EDA: variants seen among roughly 807,000 people sequenced by gnomAD.
EDA encodes the protein ectodysplasin-A.
EDA carries 2 observed loss-of-function variants against 23.6 expected under a neutral mutation model. That is an observed-to-expected ratio of 0.08 (90% CI 0.03 to 0.27). The LOEUF (loss-of-function observed/expected upper bound fraction) is 0.27. Among genes scored for constraint, EDA ranks in the 10% least tolerant of loss-of-function variants. The pLI, the probability that EDA is intolerant of heterozygous loss-of-function variation, is 1.00. For missense variants in EDA, 229 were observed against 324.2 expected, an observed-to-expected ratio of 0.71 and a Z score of 2.26; for synonymous variants, 131 against 132.0, an observed-to-expected ratio of 0.99 and a Z score of 0.05.
chrX:69,889,623 T>G (rs752156631), intron 1 of EDA, among the ~76,000 whole-genome samples: 1 of 112,265 alleles, frequency 8.9e-6, no homozygotes, highest in South Asian at 3.7e-4. Flanking sequence ...TAGCCAATTT[T>G]TAATTGTTTT....
intron 1 of EDA, among the ~76,000 whole-genome samples, chrX:69,941,147 T>C (rs953528297): frequency 3.6e-5 from 4 of 112,169 alleles, no homozygotes; most frequent in Non-Finnish European, 7.5e-5. Flanking sequence ...TGATATTATT[T>C]CAAGTTTTTG....
chrX:69,671,217 G>A (rs747195213), intron 1 of EDA, among the ~76,000 whole-genome samples: 9 of 111,911 alleles, frequency 8.0e-5, no homozygotes, highest in African/African-American at 2.3e-4. Context: ...AGAAGCCTCA[G>A]TAGTCTAGGC....
intron 1 of EDA, among the ~76,000 whole-genome samples, chrX:69,720,434 T>C (rs2012537654): frequency 8.9e-6 from 1 of 112,197 alleles, no homozygotes; most frequent in Admixed American, 9.4e-5. Context: ...TTTCAACCAT[T>C]ATTTTTTTGA....
intron 1 of EDA, among the ~76,000 whole-genome samples, chrX:69,665,478 T>C (rs1412009940): frequency 8.9e-6 from 1 of 111,855 alleles, no homozygotes; most frequent in Non-Finnish European, 1.9e-5. Context: ...CATTTGAATT[T>C]ATTATGGTAT....
chrX:70,004,859 C>T (rs1036103508), intron 2 of EDA, among the ~76,000 whole-genome samples: 5 of 111,980 alleles, frequency 4.5e-5, no homozygotes, highest in Admixed American at 1.9e-4. Flanking sequence ...GAGAGGCCAA[C>T]GAAGGAGGAT....
chrX:69,676,077 A>C (rs1355651208), intron 1 of EDA, among the ~76,000 whole-genome samples: 3 of 111,267 alleles, frequency 2.7e-5, no homozygotes, highest in Non-Finnish European at 5.6e-5. Flanking sequence ...TAAAAGGAAG[A>C]GTAATAGAGG....
At chrX:69,918,231 A>G (rs2018374734) in intron 1 of EDA, among the ~76,000 whole-genome samples, 1 of 99,626 alleles carries the variant, frequency 1.0e-5, no homozygotes, top group African/African-American at 3.9e-5. Flanking sequence ...ATCTCAGCTC[A>G]CTACAACCTC....
chrX:69,715,926 G>A (rs1602328401), intron 1 of EDA, among the ~76,000 whole-genome samples: 1 of 111,135 alleles, frequency 9.0e-6, no homozygotes, highest in Non-Finnish European at 1.9e-5. Flanking sequence ...TTTTTAATGG[G>A]TTTGTTTTCT....
chrX:69,657,364 G>T (rs765105532), intron 1 of EDA, among the ~76,000 whole-genome samples: 1 of 111,649 alleles, frequency 9.0e-6, no homozygotes, highest in Non-Finnish European at 1.9e-5. Flanking sequence ...ATTCCTTATG[G>T]ATTCTAGATA....
Position 69,654,014 on chromosome X carries a change from A to G in EDA, c.396+37310A>G, listed in dbSNP as rs748107798. ...AAACTACCATCAGAGTGAACAGGCAACCTACAGAATGGGAGAAAATTTTTG... is the reference window on the plus strand; with the variant it reads ...AAACTACCATCAGAGTGAACAGGCAGCCTACAGAATGGGAGAAAATTTTTG... On this transcript the variant is annotated intron_variant, in intron 1 of 7. Coordinates refer to ENST00000374552, the MANE Select transcript of EDA (RefSeq NM_001399.5). 2.7e-5 allele frequency among the ~76,000 whole-genome samples: 3 copies of G among 111,658 alleles called. No homozygotes were observed. In the Admixed American group the frequency reaches 2.8e-4, roughly 11 times the overall value.
At chrX:69,827,415 C>A (rs1210270498) in intron 1 of EDA, among the ~76,000 whole-genome samples, 2 of 111,420 alleles carry the variant, frequency 1.8e-5, no homozygotes, top group Non-Finnish European at 3.8e-5. Context: ...ATTCTTTTTT[C>A]TCTAAACTTC....
At chrX:69,688,069 A>C (rs2147293639) in intron 1 of EDA, among the ~76,000 whole-genome samples, 1 of 111,592 alleles carries the variant, frequency 9.0e-6, no homozygotes, top group Admixed American at 9.6e-5. Context: ...TCACAGACTT[A>C]TCAAGGGATT....
At chrX:69,637,600 T>A (rs914242859) in intron 1 of EDA, among the ~76,000 whole-genome samples, 2 of 111,402 alleles carry the variant, frequency 1.8e-5, no homozygotes, top group African/African-American at 6.5e-5. Flanking sequence ...GTTAGATACA[T>A]GGACTTCATA....
chrX:69,994,136 T>A (rs1477345337), intron 2 of EDA, among the ~76,000 whole-genome samples: 44 of 111,549 alleles, frequency 3.9e-4, no homozygotes, highest in African/African-American at 1.4e-3. Context: ...ATGAAGAAGT[T>A]GTAGTAAGTG....
At chrX:69,931,545 G>A (rs2018598918) in intron 1 of EDA, among the ~76,000 whole-genome samples, 1 of 110,972 alleles carries the variant, frequency 9.0e-6, no homozygotes, top group Non-Finnish European at 1.9e-5. Flanking sequence ...TTAAATGGGT[G>A]AAGTATTTGA....
At chrX:69,748,940 AT>A (rs796664973) in intron 1 of EDA, among the ~76,000 whole-genome samples, 111 of 109,853 alleles carry the variant, frequency 1.0e-3, no homozygotes, top group African/African-American at 3.4e-3. Flanking sequence ...ATACAGGGTC[AT>A]TTTTTTTTAA....
intron 1 of EDA, among the ~76,000 whole-genome samples, chrX:69,714,517 G>A (rs888379639): frequency 1.8e-5 from 2 of 111,009 alleles, no homozygotes; most frequent in African/African-American, 6.5e-5. Context: ...TTTTAAAAAA[G>A]GTTTTATAAT....
intron 1 of EDA, among the ~76,000 whole-genome samples, chrX:69,918,730 C>A (rs1048381486): frequency 9.0e-6 from 1 of 111,414 alleles, no homozygotes; most frequent in African/African-American, 3.3e-5. Flanking sequence ...GAAAAAAAAT[C>A]TCTGGGAAAA....
At chrX:69,863,466 A>G (rs770132612) in intron 1 of EDA, among the ~76,000 whole-genome samples, 2 of 105,331 alleles carry the variant, frequency 1.9e-5, no homozygotes, top group Admixed American at 2.1e-4. Flanking sequence ...AAAAAAATAG[A>G]CAATAAAGCA....
Sources: gnomAD v4.1 joint callset for allele counts (sites outside exome capture counted in the v4.1 genomes callset) on GRCh38, gnomAD v4.1.1 for gene constraint, MANE v1.5 for transcripts, NCBI Gene and HGNC (gene_info 2026-07-23, HGNC 2026-07-21) for gene names.